The following OCA2 variants were observed in gnomAD, a reference collection of about 807,000 sequenced individuals.
OCA2 encodes OCA2 melanosomal transmembrane protein.
OCA2 carries 77 observed loss-of-function variants against 100.2 expected under a neutral mutation model. The ratio of observed to expected loss-of-function variants is 0.77; its 90% CI spans 0.64 to 0.93. The LOEUF (loss-of-function observed/expected upper bound fraction) is 0.93, where lower values mean the gene tolerates loss of function less well. Ranked by LOEUF, OCA2 falls within the 40% of genes least tolerant of loss-of-function variation. The pLI is 0.00. For missense variants in OCA2, 1,062 were observed against 1,089.1 expected (o/e 0.98, Z 0.35); for synonymous variants, 432 against 439.2 (o/e 0.98, Z 0.21).
chr15:27,871,062 G>C, intron 21 of OCA2, 92 bp downstream of exon 21: 9 of 945,162 alleles, frequency 9.5e-6, no homozygotes, highest in Non-Finnish European at 1.5e-5. Flanking sequence ...AGAGGGGCAG[G>C]CTTCATCCTC....
At chr15:27,751,547 C>T (rs2030065336), downstream of OCA2, among the ~76,000 whole-genome samples, 1 of 152,166 alleles carries the variant, frequency 6.6e-6, no homozygotes, top group African/African-American at 2.4e-5. Flanking sequence ...ATATTGGATT[C>T]GCTGCTCTGA....
At chr15:27,940,491 C>T (rs1567132590) in intron 18 of OCA2, among the ~76,000 whole-genome samples, 1 of 152,210 alleles carries the variant, frequency 6.6e-6, no homozygotes, top group African/African-American at 2.4e-5. Flanking sequence ...GCTGCTGTTT[C>T]TATGGTGGCA....
intron 19 of OCA2, among the ~76,000 whole-genome samples, chr15:27,872,978 ACGTGC>A (rs918048826): frequency 4.0e-4 from 61 of 152,262 alleles, no homozygotes; most frequent in Admixed American, 8.5e-4. Flanking sequence ...GCGTGAGCCA[ACGTGC>A]CGGCCAGCTT....
At chr15:27,852,454 TA>T (rs1258940282) in intron 21 of OCA2, among the ~76,000 whole-genome samples, 1 of 152,192 alleles carries the variant, frequency 6.6e-6, no homozygotes, top group Non-Finnish European at 1.5e-5. Context: ...ACATTAGATC[TA>T]AAACCATAAA....
At chr15:28,067,847 C>T (rs1320668877) in intron 2 of OCA2, among the ~76,000 whole-genome samples, 1 of 152,062 alleles carries the variant, frequency 6.6e-6, no homozygotes, top group East Asian at 1.9e-4. Flanking sequence ...TCTATTAGGT[C>T]CAATTGGTCA....
intron 18 of OCA2, among the ~76,000 whole-genome samples, chr15:27,934,723 G>T (rs575386102): frequency 6.6e-6 from 1 of 152,252 alleles, no homozygotes; most frequent in East Asian, 1.9e-4. Context: ...AATTGTGGAG[G>T]CCTGAGCTTT....
At chr15:27,989,691 A>G (rs774725643) in intron 10 of OCA2, 25 bp from the exon 11 acceptor site, 1 of 1,611,006 alleles carries the variant, frequency 6.2e-7, no homozygotes, top group East Asian at 2.2e-5. Flanking sequence ...CAAATTTGCC[A>G]ATTAATCCGT....
chr15:27,797,920 T>C (rs914769495), intron 23 of OCA2, among the ~76,000 whole-genome samples: 1 of 152,118 alleles, frequency 6.6e-6, no homozygotes, highest in Non-Finnish European at 1.5e-5. Flanking sequence ...CTGCCTGCAA[T>C]GGCTCTGCTG....
chr15:27,957,864 G>A lies in OCA2; in HGVS notation c.1637-129C>T, dbSNP rs2040282421. 2 of 1,060,962 alleles carry A rather than the reference G, an allele frequency of 1.9e-6. No homozygotes were observed. Among genetic ancestry groups the A allele is most frequent in the East Asian group, 2.5e-5 (1 of 39,600 alleles). 65.7% of individuals were successfully genotyped at this position (1,060,962 alleles called of 1,614,324 possible). A position where few individuals can be genotyped will look rare whatever the true frequency, so the allele number is the denominator to read the frequency against. On this transcript the variant is annotated intron_variant, in intron 15 of 23. Coordinates refer to ENST00000354638, the MANE Select transcript of OCA2 (RefSeq NM_000275.3). The surrounding 1 kb of genome is among the most constrained non-coding windows in gnomAD (Gnocchi z 4.3). ...ACTCGAGACGTGCAGGTAGCCCAGG[G>A]TCACCCAGAGCTTCTCAGCACCTGA...
intron 21 of OCA2, among the ~76,000 whole-genome samples, chr15:27,863,948 T>C (rs118036547): frequency 0.016 from 2,423 of 152,316 alleles, 25 homozygotes; most frequent in Non-Finnish European, 0.021. Context: ...TCTCTCACAC[T>C]ACTGGTCCCC....
At chr15:27,884,783 T>C (rs2151563100) in intron 19 of OCA2, among the ~76,000 whole-genome samples, 1 of 152,302 alleles carries the variant, frequency 6.6e-6, no homozygotes, top group African/African-American at 2.4e-5. Context: ...TGATACGTAT[T>C]TTTTTGTTTA....
At chr15:27,911,078 G>T (rs546725065) in intron 19 of OCA2, among the ~76,000 whole-genome samples, 3 of 152,228 alleles carry the variant, frequency 2.0e-5, no homozygotes, top group Admixed American at 6.5e-5. Context: ...TAGTAAGCAT[G>T]AGGAGAGAGT....
At chr15:27,886,686 T>C (rs1293347368) in intron 19 of OCA2, among the ~76,000 whole-genome samples, 3 of 152,114 alleles carry the variant, frequency 2.0e-5, no homozygotes, top group African/African-American at 4.8e-5. Flanking sequence ...TGTTCTCTAC[T>C]AGAAACAAAT....
At chr15:27,997,037 G>GAAAGAA (rs147840468) in intron 9 of OCA2, among the ~76,000 whole-genome samples, 125 of 141,854 alleles carry the variant, frequency 8.8e-4, no homozygotes, top group African/African-American at 2.5e-3. Flanking sequence ...AAGAGAGAGA[G>GAAAGAA]AGAGAAAGAA....
intron 23 of OCA2, among the ~76,000 whole-genome samples, chr15:27,793,419 A>T (rs181129925): frequency 1.3e-3 from 196 of 151,556 alleles, no homozygotes; most frequent in African/African-American, 4.7e-3. Context: ...AAAAAAAAAA[A>T]ATTATTTCAG....
intron 1 of OCA2, among the ~76,000 whole-genome samples, chr15:28,085,347 C>G (rs1052666074): frequency 2.0e-5 from 3 of 152,142 alleles, no homozygotes; most frequent in East Asian, 1.9e-4. Context: ...GAAATAGAAG[C>G]TACTCTGAGA....
chr15:27,966,258 AG>A (rs2040563893), intron 15 of OCA2, among the ~76,000 whole-genome samples: 2 of 152,146 alleles, frequency 1.3e-5, no homozygotes, highest in Admixed American at 1.3e-4. Context: ...TACAGGCGTG[AG>A]CCACCGTGCC....
chr15:27,760,754 T>A (rs1370808169), intron 23 of OCA2, among the ~76,000 whole-genome samples: 1 of 152,068 alleles, frequency 6.6e-6, no homozygotes, highest in Non-Finnish European at 1.5e-5. Flanking sequence ...TCACCCTATA[T>A]ATATTAGAGA....
At chr15:28,011,977 CAA>C (rs756171011) in intron 9 of OCA2, among the ~76,000 whole-genome samples, 13 of 125,374 alleles carry the variant, frequency 1.0e-4, no homozygotes, top group Non-Finnish European at 1.4e-4. Context: ...GCTTTGTCTC[CAA>C]AAAAAAAAAA....
Sources: gnomAD v4.1 joint callset for allele counts (sites outside exome capture counted in the v4.1 genomes callset) on GRCh38, gnomAD v4.1.1 for gene constraint, Gnocchi (gnomAD v3.1) non-coding constraint, MANE v1.5 for transcripts, NCBI Gene and HGNC (gene_info 2026-07-23, HGNC 2026-07-21) for gene names.